DOCK8: variants seen among roughly 807,000 people sequenced by gnomAD.
The protein encoded by DOCK8 is dedicator of cytokinesis protein 8.
In DOCK8, 141 loss-of-function variants were observed where a neutral mutation model predicts 245.6. That is an observed-to-expected ratio of 0.57 (90% CI 0.50 to 0.66). The LOEUF is 0.66. Ranked by LOEUF, DOCK8 falls within the 30% of genes least tolerant of loss-of-function variation. The pLI, the probability that DOCK8 is intolerant of heterozygous loss-of-function variation, is 0.00. For missense variants in DOCK8, 2,965 were observed against 2,603.4 expected, an observed-to-expected ratio of 1.14 and a Z score of -3.02; for synonymous variants, 1,168 against 970.2, an observed-to-expected ratio of 1.20 and a Z score of -3.79.
chr9:428,394 G>A lies in DOCK8; in HGVS notation c.4371G>A (p.Leu1457=). 6.2e-7 allele frequency: 1 copy of A among 1,614,220 alleles called. No individual in the cohort carries two copies. The highest frequency in any genetic ancestry group is 8.5e-7 in the Non-Finnish European group (1 of 1,180,044). ...ASSALDCKDS[L]LGGVLRVLVN... The stretch of plus-strand genomic sequence containing the variant: ...CGGCTCTGGACTGTAAAGACAGCCT[G>A]CTGGGAGGTGTTCTGAGGGTGCTGG... The change falls in exon 35 of 48, where the codon CTG becomes CTA. Residue 1457 remains leucine, a synonymous_variant. Coordinates refer to ENST00000432829, the MANE Select transcript of DOCK8 (RefSeq NM_203447.4).
At chr9:426,843 G>T (rs781161800) in intron 33 of DOCK8, 42 bp from the exon 34 acceptor site, 2 of 1,556,472 alleles carry the variant, frequency 1.3e-6, no homozygotes, top group African/African-American at 2.7e-5. Flanking sequence ...AACCTGGCCA[G>T]GTTTGACATG....
chr9:412,967 A>G (rs2055815884), intron 28 of DOCK8, among the ~76,000 whole-genome samples: 1 of 152,122 alleles, frequency 6.6e-6, no homozygotes, highest in South Asian at 2.1e-4. Flanking sequence ...ACCTTGAAAA[A>G]CAAGAACAAA....
intron 1 of DOCK8, among the ~76,000 whole-genome samples, chr9:219,219 C>T (rs991282468): frequency 2.0e-5 from 3 of 152,168 alleles, no homozygotes; most frequent in African/African-American, 7.2e-5. Context: ...CCTGTAATCT[C>T]AGCATTTTGG....
chr9:256,456 T>C (rs1327612359), intron 1 of DOCK8, among the ~76,000 whole-genome samples: 2 of 152,190 alleles, frequency 1.3e-5, no homozygotes, highest in Non-Finnish European at 2.9e-5. Context: ...GTAGTACTTA[T>C]CCCATGAGGG....
At position 377,164 on chromosome 9, in the gene DOCK8, A is replaced by G. The variant is rs140546511; in HGVS notation, c.2393A>G (p.Lys798Arg). The change falls in exon 20 of 48, where the codon AAG becomes AGG. Residue 798 changes from lysine to arginine, a missense_variant. This residue lies in a region of DOCK8 where 2,825 missense variants were observed against 2,453.5 expected (regional missense o/e 1.15). Coordinates refer to ENST00000432829, the MANE Select transcript of DOCK8 (RefSeq NM_203447.4). ...CTCTTCCTGCACCTGGTGCTGGACAAGCTCTTCCAGCTGTCCGTGCAGCCC... is the reference window on the plus strand; with the variant it reads ...CTCTTCCTGCACCTGGTGCTGGACAGGCTCTTCCAGCTGTCCGTGCAGCCC... ...LVLFLHLVLDKLFQLSVQPMV... is the reference protein window; with the variant it reads ...LVLFLHLVLDRLFQLSVQPMV... 165 of 1,604,040 alleles carry G rather than the reference A, an allele frequency of 1.0e-4. No individual in the cohort carries two copies. Among genetic ancestry groups the G allele is most frequent in the Non-Finnish European group, 1.3e-4 (153 of 1,179,488 alleles).
chr9:235,128 A>C (rs1239448349), intron 1 of DOCK8, among the ~76,000 whole-genome samples: 2 of 152,150 alleles, frequency 1.3e-5, no homozygotes, highest in Non-Finnish European at 2.9e-5. Flanking sequence ...CAGGACCCTC[A>C]GCTGCAGGTC....
intron 1 of DOCK8, among the ~76,000 whole-genome samples, chr9:226,428 C>T (rs1243045841): frequency 5.3e-5 from 8 of 151,970 alleles, no homozygotes; most frequent in East Asian, 1.9e-4. Context: ...GGGCATGATG[C>T]GATTGACTTT....
chr9:217,157 T>G (rs1228972862), intron 1 of DOCK8, among the ~76,000 whole-genome samples: 1 of 152,210 alleles, frequency 6.6e-6, no homozygotes, highest in East Asian at 1.9e-4. Flanking sequence ...GTTAATGATT[T>G]TCATGTTGAT....
intron 1 of DOCK8, among the ~76,000 whole-genome samples, chr9:239,955 A>G (rs1304963732): frequency 6.6e-6 from 1 of 152,208 alleles, no homozygotes; most frequent in East Asian, 1.9e-4. Context: ...ATTGATTTCC[A>G]GTTATTCACA....
chr9:286,617 C>T lies in DOCK8; in HGVS notation c.313C>T (p.Pro105Ser). 6.2e-7 allele frequency: 1 copy of T among 1,613,786 alleles called. No homozygotes were observed. Among genetic ancestry groups the T allele is most frequent in the Non-Finnish European group, 8.5e-7 (1 of 1,179,852 alleles). ...GCCAAAGGAATGTAGGACTTTGCAG[C>T]CCTCTTTGCCGGAGGAAGGGTAAAT... ...FTPKECRTLQPSLPEEGVELD... is the reference protein window; with the variant it reads ...FTPKECRTLQSSLPEEGVELD... Residue 105 changes from proline (P) to serine (S), a missense_variant, in exon 3 of 48, where the codon CCC becomes TCC. Transcript: ENST00000432829.
At chr9:385,515 T>A (rs1426802864) in intron 22 of DOCK8, among the ~76,000 whole-genome samples, 1 of 152,258 alleles carries the variant, frequency 6.6e-6, no homozygotes, top group Non-Finnish European at 1.5e-5. Context: ...ATCTAAGTTC[T>A]TCCTTCTTTA....
At chr9:345,037 G>A (rs911302444) in intron 14 of DOCK8, among the ~76,000 whole-genome samples, 1 of 151,846 alleles carries the variant, frequency 6.6e-6, no homozygotes, top group Non-Finnish European at 1.5e-5. Flanking sequence ...GGGCAACAGA[G>A]CAAAAAAACT....
upstream of DOCK8, chr9:213,729 TTG>T (rs980288070): frequency 7.2e-4 from 60 of 83,300 alleles, 1 homozygote; most frequent in African/African-American, 4.7e-3. Context: ...TTCGCTTTGG[TTG>T]TTTTTTTTTT....
At chr9:310,609 C>A (rs898322913) in intron 5 of DOCK8, among the ~76,000 whole-genome samples, 1 of 152,160 alleles carries the variant, frequency 6.6e-6, no homozygotes, top group African/African-American at 2.4e-5. Context: ...TAGGCACTGG[C>A]CACCATGCCC....
chr9:262,490 A>G (rs565925457), intron 1 of DOCK8, among the ~76,000 whole-genome samples: 1 of 88,236 alleles, frequency 1.1e-5, no homozygotes, highest in South Asian at 4.8e-4. Flanking sequence ...ATACTCCTCT[A>G]TAATAAAAGG....
At chr9:342,530 C>G (rs1375750791) in intron 14 of DOCK8, among the ~76,000 whole-genome samples, 1 of 151,596 alleles carries the variant, frequency 6.6e-6, no homozygotes, top group Non-Finnish European at 1.5e-5. Flanking sequence ...AGTGCAGTGA[C>G]ATGATCTCGG....
chr9:368,313 TGAC>T (rs2053110899), intron 15 of DOCK8, 178 bp downstream of exon 15: 1 of 747,162 alleles, frequency 1.3e-6, no homozygotes, highest in East Asian at 2.6e-5. Context: ...CAGTCTTACT[TGAC>T]GATCTCTTTC....
chr9:302,881 AT>A (rs1362771749), intron 4 of DOCK8, among the ~76,000 whole-genome samples: 1 of 152,074 alleles, frequency 6.6e-6, no homozygotes, highest in Non-Finnish European at 1.5e-5. Context: ...TAATCCCAGC[AT>A]TTTGGGAGGC....
At chr9:261,945 C>A (rs998502177) in intron 1 of DOCK8, among the ~76,000 whole-genome samples, 1 of 151,616 alleles carries the variant, frequency 6.6e-6, no homozygotes, top group African/African-American at 2.4e-5. Context: ...TAAATTCTTT[C>A]ACTGTCAGTC....
Sources: allele counts gnomAD v4.1 joint callset (sites outside exome capture counted in the v4.1 genomes callset), GRCh38; gene constraint gnomAD v4.1.1; regional missense constraint gnomAD v4.1.1; transcripts MANE v1.5; gene names NCBI Gene and HGNC (gene_info 2026-07-23, HGNC 2026-07-21).